KNTC1: variants seen among roughly 807,000 people sequenced by gnomAD.
The protein encoded by KNTC1 is kinetochore associated 1.
In KNTC1, 253 loss-of-function variants were observed where a neutral mutation model predicts 314.4. The observed-to-expected ratio is 0.80, with a 90% CI of 0.73 to 0.89. The LOEUF (loss-of-function observed/expected upper bound fraction) is 0.89. Ranked by LOEUF, KNTC1 falls within the 40% of genes least tolerant of loss-of-function variation. The pLI is 0.00. For synonymous variants in KNTC1, 901 were observed against 901.4 expected (o/e 1.00, Z 0.01); for missense variants, 2,475 against 2,572.9 (o/e 0.96, Z 0.82).
intron 10 of KNTC1, 39 bp from the exon 11 acceptor site, chr12:122,547,375 CA>C (rs753346236): frequency 7.7e-4 from 989 of 1,281,966 alleles, no homozygotes; most frequent in South Asian, 9.7e-4. Context: ...AACTCTGTCT[CA>C]AAAAAAAAGG....
At chr12:122,545,995 A>G (rs909043597) in intron 8 of KNTC1, among the ~76,000 whole-genome samples, 181 bp from the exon 9 acceptor site, 2 of 152,006 alleles carry the variant, frequency 1.3e-5, no homozygotes, top group Non-Finnish European at 2.9e-5. Context: ...CCAATAGTAC[A>G]CTGTTTTTTT....
At chr12:122,573,366 A>G in intron 26 of KNTC1, 81 bp downstream of exon 26, 1 of 1,260,308 alleles carries the variant, frequency 7.9e-7, no homozygotes, top group Non-Finnish European at 1.1e-6. Flanking sequence ...TCTTTAAGGA[A>G]TGTCATATGC....
At chr12:122,604,049 G>GT (rs1872295163) in intron 48 of KNTC1, among the ~76,000 whole-genome samples, 1 of 151,964 alleles carries the variant, frequency 6.6e-6, no homozygotes, top group African/African-American at 2.4e-5. Context: ...ACCCATTAGG[G>GT]TTAAGATGCA....
rs570680844 is a variant in KNTC1 at position 122,543,317 on chromosome 12, C to T, written c.524-283C>T. Among the ~76,000 whole-genome samples the T allele has an allele frequency of 7.9e-5, 12 of 152,236 alleles. No homozygotes were observed. In the South Asian group the frequency reaches 8.3e-4, roughly 11 times the overall value. On this transcript the variant is annotated intron_variant, in intron 6 of 63. Coordinates refer to ENST00000333479, the MANE Select transcript of KNTC1 (RefSeq NM_014708.6). ...CATAGCTTCATGATGGAGCTAGAAA[C>T]GTAAGAGCTATTCCAAACAGTGAGA...
chr12:122,613,317 G>C, intron 54 of KNTC1, 87 bp downstream of exon 54: 1 of 883,496 alleles, frequency 1.1e-6, no homozygotes, highest in Non-Finnish European at 1.8e-6. Flanking sequence ...ATTCAGAAGA[G>C]CATAGTAGAG....
chr12:122,590,536 C>G, intron 40 of KNTC1, 71 bp from the exon 41 acceptor site: 1 of 1,377,838 alleles, frequency 7.3e-7, no homozygotes, highest in Non-Finnish European at 9.8e-7. Context: ...TGTATTTCTG[C>G]CCTTTGTGAA....
At chr12:122,601,877 C>G in intron 45 of KNTC1, 1 of 288,190 alleles carries the variant, frequency 3.5e-6, no homozygotes. Flanking sequence ...CTCCTGCTGT[C>G]GAAGAGTATG....
At chr12:122,610,235 C>T (rs551166554) in intron 52 of KNTC1, among the ~76,000 whole-genome samples, 192 of 152,264 alleles carry the variant, frequency 1.3e-3, no homozygotes, top group African/African-American at 4.2e-3. Context: ...AGAAGTAGCT[C>T]CTGGTATGTC....
intron 10 of KNTC1, 134 bp from the exon 11 acceptor site, chr12:122,547,281 A>C: frequency 3.6e-6 from 2 of 552,376 alleles, no homozygotes; most frequent in Non-Finnish European, 3.2e-6. Flanking sequence ...AATCTGAGGC[A>C]GGAGAATCGC....
At position 122,594,350 on chromosome 12, in the gene KNTC1, A is replaced by G. The variant is rs754441025; in HGVS notation, c.4320A>G (p.Ile1440Met). ...KDLIKALVEN[I>M]DMDTSLILEY... ...TCATTAAAGCTCTTGTGGAGAATAT[A>G]GATATGGACACAAGCCTCATTTTGG... Residue 1440 changes from isoleucine to methionine, a missense_variant, in exon 43 of 64, where the codon ATA becomes ATG. By Grantham distance (10) the Ile-to-Met change is conservative (BLOSUM62 1). Transcript: ENST00000333479. 9 of 1,605,406 alleles carry G rather than the reference A, an allele frequency of 5.6e-6. No individual in the cohort carries two copies. Among genetic ancestry groups the G allele is most frequent in the Non-Finnish European group, 6.8e-6 (8 of 1,172,534 alleles).
intron 20 of KNTC1, 59 bp from the exon 21 acceptor site, chr12:122,568,202 A>T: frequency 1.2e-6 from 1 of 801,880 alleles, no homozygotes; most frequent in Non-Finnish European, 2.1e-6. Context: ...TAATCCACTT[A>T]AAAGGTATAA....
chr12:122,623,742 A>C (rs1566025572), intron 62 of KNTC1, among the ~76,000 whole-genome samples: 1 of 152,134 alleles, frequency 6.6e-6, no homozygotes, highest in Non-Finnish European at 1.5e-5. Context: ...GCCCAGGGGA[A>C]AAGCACTCAG....
At chr12:122,621,845 C>A in intron 60 of KNTC1, 36 bp from the exon 61 acceptor site, 1 of 1,358,674 alleles carries the variant, frequency 7.4e-7, no homozygotes, top group Non-Finnish European at 1.0e-6. Context: ...TAAATAATAA[C>A]AATTTTCTAT....
intron 29 of KNTC1, among the ~76,000 whole-genome samples, chr12:122,576,413 GCT>G (rs1301291665): frequency 6.6e-6 from 1 of 152,090 alleles, no homozygotes; most frequent in Non-Finnish European, 1.5e-5. Context: ...AGGTGCGGTG[GCT>G]CACACCCGTA....
At position 122,588,802 on chromosome 12, in the gene KNTC1, A is replaced by C; in HGVS notation, c.3985A>C (p.Thr1329Pro). 1 of 1,536,914 alleles carries C rather than the reference A, an allele frequency of 6.5e-7. No individual in the cohort carries two copies. The highest frequency in any genetic ancestry group is 8.7e-7 in the Non-Finnish European group (1 of 1,144,010). The change falls in exon 40 of 64, where the codon ACA becomes CCA. Residue 1329 changes from threonine (T) to proline (P), a missense_variant. Transcript: ENST00000333479. ...TATATTTATCAGGGAAAATGCTACA[A>C]CACTACTGCACAAAGTAAGTATTTG... ...AVIFIRENAT[T>P]LLHKVFNCRL...
At chr12:122,537,731 T>C (rs982386667) in intron 3 of KNTC1, among the ~76,000 whole-genome samples, 1 of 152,114 alleles carries the variant, frequency 6.6e-6, no homozygotes, top group Admixed American at 6.5e-5. Flanking sequence ...TATCAGCTAT[T>C]TCTGTCTTAG....
At position 122,577,707 on chromosome 12, in the gene KNTC1, T is replaced by C. The variant is rs1965120434; in HGVS notation, c.2757T>C (p.Pro919=). ...EDCLLLLKSL[P]PAEAEKTAER... ...GTCTCCTTCTGTTGAAGTCTTTGCC[T>C]CCTGCTGAAGCTGAGAAAACTGCAG... Residue 919 remains proline (P), a synonymous_variant, in exon 31 of 64, where the codon CCT becomes CCC. Transcript: ENST00000333479. 1 of 1,613,636 alleles carries C rather than the reference T, an allele frequency of 6.2e-7. No individual in the cohort carries two copies. Among genetic ancestry groups the C allele is most frequent in the Non-Finnish European group, 8.5e-7 (1 of 1,179,786 alleles).
At chr12:122,542,245 T>C in intron 6 of KNTC1, 118 bp downstream of exon 6, 1 of 676,088 alleles carries the variant, frequency 1.5e-6, no homozygotes, top group Non-Finnish European at 2.3e-6. Flanking sequence ...TTGTATTTAG[T>C]TATAATTGGG....
rs2137817796 is a variant in KNTC1, at chr12:122,557,411, A to C, written c.1300A>C (p.Ile434Leu). Residue 434 changes from isoleucine to leucine, a missense_variant, in exon 17 of 64, where the codon ATA (isoleucine) becomes CTA (leucine). Physicochemically the swap from Ile to Leu is conservative, Grantham distance 5 (BLOSUM62 2). Transcript: ENST00000333479. ...TGTTTACAAGGTCAAGTCAAATCAT[A>C]TATTGGAGAAACTGGCATTGAGTTC... ...ELVYKVKSNH[I>L]LEKLALSSVD... is the part of the protein sequence containing the mutation. 1.9e-6 allele frequency: 3 copies of C among 1,613,708 alleles called. 1 individual carries two copies. The Admixed American group carries it at 5.0e-5, about 27-fold the overall frequency.
Sources: gnomAD v4.1 joint callset for allele counts (sites outside exome capture counted in the v4.1 genomes callset) on GRCh38, gnomAD v4.1.1 for gene constraint, MANE v1.5 for transcripts, NCBI Gene and HGNC (gene_info 2026-07-23, HGNC 2026-07-21) for gene names.